The following ABHD2 variants were observed in gnomAD, a reference collection of about 807,000 sequenced individuals.
ABHD2 encodes monoacylglycerol lipase ABHD2.
ABHD2 carries 20 observed loss-of-function variants against 48.1 expected under a neutral mutation model. That is an observed-to-expected ratio of 0.42 (90% CI 0.29 to 0.60). The LOEUF (loss-of-function observed/expected upper bound fraction) is 0.60, where lower values mean the gene tolerates loss of function less well. ABHD2 is among the 20% of genes least tolerant of loss of function. The probability of loss-of-function intolerance (pLI) is 0.24; values close to 1 mark genes in which losing one functional copy is unlikely to be tolerated. For synonymous variants in ABHD2, 209 were observed against 214.2 expected (o/e 0.98, Z 0.21); for missense variants, 405 against 550.9 (o/e 0.74, Z 2.65).
the ABHD2 span, among the ~76,000 whole-genome samples, chr15:89,061,029 A>G: frequency 6.6e-6 from 1 of 152,180 alleles, no homozygotes; most frequent in African/African-American, 2.4e-5. Flanking sequence ...AAGTAGAGCT[A>G]AACAATGGGT....
the ABHD2 span, among the ~76,000 whole-genome samples, chr15:89,071,272 T>G: frequency 1.3e-5 from 2 of 151,988 alleles, no homozygotes; most frequent in Non-Finnish European, 2.9e-5. Context: ...ATATAAAAAA[T>G]TAGCTGGGCA....
rs2051177645 is a variant in ABHD2 at position 89,184,772 on chromosome 15, T to A, written c.723-652T>A. 6.6e-6 allele frequency among the ~76,000 whole-genome samples: 1 copy of A among 152,186 alleles called. No homozygotes were observed. Among genetic ancestry groups the A allele is most frequent in the African/African-American group, 2.4e-5 (1 of 41,454 alleles). ...GAGTGTGGCCCTCACAGCCACACAC[T>A]AGTGTGCCAGTCACACACTAGCCCT... is the stretch of plus-strand genomic sequence containing the variant. On this transcript the variant is annotated intron_variant, in intron 6 of 10. Coordinates refer to ENST00000352732, the MANE Select transcript of ABHD2 (RefSeq NM_152924.5). This position sits in a 1 kb window ranked among gnomAD's most constrained non-coding sequence, Gnocchi z 5.1.
At chr15:89,127,732 T>TATATATATATATAC (rs2050157845) in intron 3 of ABHD2, among the ~76,000 whole-genome samples, 6 of 145,042 alleles carry the variant, frequency 4.1e-5, no homozygotes, top group Admixed American at 4.1e-4. Context: ...CATATATATA[T>TATATATATATATAC]ATATATATGT....
At chr15:89,187,073 G>A (rs1013173636) in intron 7 of ABHD2, among the ~76,000 whole-genome samples, 9 of 152,234 alleles carry the variant, frequency 5.9e-5, no homozygotes, top group African/African-American at 2.2e-4. Flanking sequence ...GTTTGAATGG[G>A]TCTGGAGATT....
At chr15:89,141,190 C>T (rs994248394) in intron 3 of ABHD2, among the ~76,000 whole-genome samples, 8 of 151,872 alleles carry the variant, frequency 5.3e-5, no homozygotes, top group Non-Finnish European at 8.8e-5. Flanking sequence ...CTATGTCACC[C>T]AGGCTGGTCT....
the ABHD2 span, among the ~76,000 whole-genome samples, chr15:89,054,291 C>T: frequency 9.3e-4 from 139 of 150,192 alleles, 1 homozygote; most frequent in Middle Eastern, 3.5e-3. Context: ...CGCTACACTC[C>T]AGCCTGGGTG....
chr15:89,125,525 A>G (rs536656528), intron 3 of ABHD2, among the ~76,000 whole-genome samples: 1 of 152,338 alleles, frequency 6.6e-6, no homozygotes, highest in South Asian at 2.1e-4. Context: ...TTCTGGTGAA[A>G]TAGCCCAAAC....
intron 1 of ABHD2, among the ~76,000 whole-genome samples, chr15:89,099,605 C>T (rs1054016157): frequency 8.6e-5 from 13 of 151,986 alleles, no homozygotes; most frequent in Admixed American, 7.2e-4. Context: ...AGAGCAAGAC[C>T]TTGTCTCTAT....
At chr15:89,147,416 C>T (rs993795391) in intron 3 of ABHD2, among the ~76,000 whole-genome samples, 5 of 140,784 alleles carry the variant, frequency 3.6e-5, no homozygotes, top group Admixed American at 2.2e-4. Flanking sequence ...TGCAGTGGCG[C>T]GATCTCTGCT....
the ABHD2 span, among the ~76,000 whole-genome samples, chr15:89,056,603 A>G: frequency 1.3e-5 from 2 of 152,130 alleles, no homozygotes; most frequent in Non-Finnish European, 2.9e-5. Context: ...AGTTCGCACC[A>G]CTGCACTCCA....
chr15:89,128,212 C>G (rs895598184), intron 3 of ABHD2, among the ~76,000 whole-genome samples: 1 of 152,216 alleles, frequency 6.6e-6, no homozygotes, highest in Non-Finnish European at 1.5e-5. Context: ...GGTGGCTTGA[C>G]TGATGAGGTC....
At chr15:89,147,262 G>A (rs1002172085) in intron 3 of ABHD2, among the ~76,000 whole-genome samples, 1 of 151,578 alleles carries the variant, frequency 6.6e-6, no homozygotes, top group African/African-American at 2.4e-5. Context: ...AAAAGTAAGT[G>A]GATTTAAGGT....
the ABHD2 span, among the ~76,000 whole-genome samples, chr15:89,072,934 T>G: frequency 2.0e-5 from 3 of 152,124 alleles, no homozygotes; most frequent in South Asian, 2.1e-4. Context: ...ATTAATAAAA[T>G]TTAATTTTTA....
Position 89,167,275 on chromosome 15 carries a change from T to C in ABHD2, c.539-8537T>C, listed in dbSNP as rs756456199. 8.5e-5 allele frequency among the ~76,000 whole-genome samples: 13 copies of C among 152,340 alleles called. No homozygotes were observed. The highest frequency in any genetic ancestry group is 5.2e-4 in the Admixed American group (8 of 15,302). On this transcript the variant is annotated intron_variant, in intron 5 of 10. Transcript: ENST00000352732. This position sits in a 1 kb window ranked among gnomAD's most constrained non-coding sequence, Gnocchi z 5.5. ...TAGACTCAATTTTGAATTGTATTCA[T>C]AGTTATGAATTGTGTTGCCTCTGCA...
rs1844205088 is a variant in ABHD2 at position 89,088,960 on chromosome 15, T to G, written c.-107+397T>G. Reference sequence around the variant, plus strand: ...GGAAGGAGAGGGCCGAGGGGCCTGATTACAGCCCGAGATACCCGAGAGGCC... The same window carrying G: ...GGAAGGAGAGGGCCGAGGGGCCTGAGTACAGCCCGAGATACCCGAGAGGCC... On this transcript the variant is annotated intron_variant, in intron 1 of 10. Transcript: ENST00000352732. This position sits in a 1 kb window ranked among gnomAD's most constrained non-coding sequence, Gnocchi z 6.8. 6.6e-6 allele frequency among the ~76,000 whole-genome samples: 1 copy of G among 152,202 alleles called. No individual in the cohort carries two copies. The highest frequency in any genetic ancestry group is 1.5e-5 in the Non-Finnish European group (1 of 68,022).
intron 6 of ABHD2, among the ~76,000 whole-genome samples, chr15:89,180,593 A>C (rs933424794): frequency 4.6e-5 from 7 of 152,210 alleles, no homozygotes; most frequent in Admixed American, 1.3e-4. Context: ...CTGAAGGGCA[A>C]CCTGCTACCA....
intron 3 of ABHD2, among the ~76,000 whole-genome samples, chr15:89,140,579 A>ACC (rs1287684298): frequency 6.6e-6 from 1 of 151,890 alleles, no homozygotes; most frequent in Non-Finnish European, 1.5e-5. Context: ...TGAGAGAGAG[A>ACC]CCCCCACACA....
chr15:89,044,705 T>C, the ABHD2 span, among the ~76,000 whole-genome samples: 1 of 152,108 alleles, frequency 6.6e-6, no homozygotes, highest in African/African-American at 2.4e-5. Flanking sequence ...ATGTCTTCTT[T>C]TGAGAAGTGT....
the ABHD2 span, among the ~76,000 whole-genome samples, chr15:89,081,247 TG>T: frequency 6.6e-6 from 1 of 150,852 alleles, no homozygotes. Flanking sequence ...CTTGAACTCT[TG>T]GGCTCAAGCA....
Sources: allele counts gnomAD v4.1 joint callset (sites outside exome capture counted in the v4.1 genomes callset), GRCh38; gene constraint gnomAD v4.1.1; non-coding constraint Gnocchi (gnomAD v3.1); transcripts MANE v1.5; gene names NCBI Gene and HGNC (gene_info 2026-07-23, HGNC 2026-07-21).